SREK1: variants seen among roughly 807,000 people sequenced by gnomAD.
SREK1 encodes splicing regulatory glutamic acid and lysine rich protein 1, also known as splicing regulatory glutamine/lysine-rich protein 1.
In SREK1, 13 loss-of-function variants were observed where a neutral mutation model predicts 66.5. The observed-to-expected ratio is 0.20, with a 90% CI of 0.13 to 0.31. The LOEUF (loss-of-function observed/expected upper bound fraction) is 0.31, where lower values mean the gene tolerates loss of function less well. Among genes scored for constraint, SREK1 ranks in the 10% least tolerant of loss-of-function variants. The pLI, the probability that SREK1 is intolerant of heterozygous loss-of-function variation, is 1.00. For missense variants in SREK1, 607 were observed against 769.6 expected (o/e 0.79, Z 2.50); for synonymous variants, 265 against 263.5 (o/e 1.01, Z -0.05).
chr5:66,165,110 T>C lies in SREK1; in HGVS notation c.1001+213T>C, dbSNP rs1045843852. ...CTTAATTTTTAAATATTTGAACTTA[T>C]CTTTATTTTTAGAAGTTAGTTTTGT... is the stretch of plus-strand genomic sequence containing the variant. On this transcript the variant is annotated intron_variant, in intron 7 of 11. Coordinates refer to ENST00000334121, the MANE Select transcript of SREK1 (RefSeq NM_001077199.3). The C allele has an allele frequency of 1.2e-5, 5 of 423,048 alleles. No homozygotes were observed. The Admixed American group carries it at 1.6e-4, about 13-fold the overall frequency. 26.2% of individuals were successfully genotyped at this position (423,048 alleles called of 1,614,324 possible).
At chr5:66,161,957 TAACTC>T in intron 3 of SREK1, 147 bp from the exon 4 acceptor site, 1 of 736,378 alleles carries the variant, frequency 1.4e-6, no homozygotes, top group Non-Finnish European at 2.1e-6. Context: ...CTTACTTTAA[TAACTC>T]AGACATATAT....
chr5:66,160,584 T>C (rs1473297600), intron 3 of SREK1, among the ~76,000 whole-genome samples: 1 of 152,118 alleles, frequency 6.6e-6, no homozygotes, highest in Non-Finnish European at 1.5e-5. Context: ...TTTTAGACCA[T>C]GGAAAGAGGG....
At chr5:66,165,581 A>T (rs1348994179) in intron 7 of SREK1, 1 of 152,224 alleles carries the variant, frequency 6.6e-6, no homozygotes, top group African/African-American at 2.4e-5. Flanking sequence ...TTAAAATGCA[A>T]ATTTGGCAAT....
chr5:66,145,010 C>T, intron 1 of SREK1: 1 of 986,720 alleles, frequency 1.0e-6, no homozygotes, highest in Non-Finnish European at 1.2e-6. Flanking sequence ...CTGCTGGTGA[C>T]AAGATGGAAC....
chr5:66,166,280 AC>A (rs1225248567), intron 7 of SREK1: 1 of 152,144 alleles, frequency 6.6e-6, no homozygotes, highest in Non-Finnish European at 1.5e-5. Flanking sequence ...AAGACTGATG[AC>A]CTGGATCTCA....
Position 66,170,694 on chromosome 5 carries a change from C to T in SREK1, c.1231C>T (p.Arg411Trp), listed in dbSNP as rs547631669. Residue 411 changes from arginine (R) to tryptophan (W), a missense_variant, in exon 9 of 12, where the codon CGG becomes TGG. Physicochemically the swap from Arg to Trp is moderately radical, Grantham distance 101. This residue lies in a region of SREK1 where 318 missense variants were observed against 310.3 expected (regional missense o/e 1.02). Coordinates refer to ENST00000334121, the MANE Select transcript of SREK1 (RefSeq NM_001077199.3). The stretch of plus-strand genomic sequence containing the variant: ...AAAGGAACGTGAAAAAGAAAAGGAA[C>T]GGGGTAAAAACAAAGACCGGGACAA... The part of the protein sequence containing the change: ...REKEREKEKE[R>W]GKNKDRDKER... 81 of 1,607,754 alleles carry T rather than the reference C, an allele frequency of 5.0e-5. No individual in the cohort carries two copies. Among genetic ancestry groups the T allele is most frequent in the Admixed American group, 2.2e-4 (13 of 58,788 alleles).
intron 1 of SREK1, among the ~76,000 whole-genome samples, chr5:66,149,822 G>T (rs554562011): frequency 8.5e-5 from 13 of 152,266 alleles, no homozygotes; most frequent in Non-Finnish European, 1.5e-4. Flanking sequence ...GGTACATCGA[G>T]AAGAGACATT....
intron 1 of SREK1, among the ~76,000 whole-genome samples, chr5:66,151,695 A>G (rs1743830468): frequency 1.3e-5 from 2 of 152,170 alleles, no homozygotes; most frequent in South Asian, 4.1e-4. Flanking sequence ...ATGTGCATAC[A>G]GTTAACCTCA....
intron 9 of SREK1, 99 bp downstream of exon 9, chr5:66,171,046 A>G: frequency 7.2e-7 from 1 of 1,388,520 alleles, no homozygotes; most frequent in East Asian, 2.4e-5. Flanking sequence ...CGCAAGTGGA[A>G]CCTGTAAAGT....
At chr5:66,157,952 G>A (rs1744428816) in intron 2 of SREK1, 1 of 158,994 alleles carries the variant, frequency 6.3e-6, no homozygotes, top group Admixed American at 6.5e-5. Flanking sequence ...ACCAGGCATG[G>A]TGCTTGTGGA....
chr5:66,166,172 G>A (rs972767429), intron 7 of SREK1: 1 of 152,218 alleles, frequency 6.6e-6, no homozygotes, highest in Non-Finnish European at 1.5e-5. Flanking sequence ...CTAGACTGTG[G>A]ATATTTCCAT....
intron 11 of SREK1, 126 bp downstream of exon 11, chr5:66,177,784 A>G (rs1023787099): frequency 1.5e-6 from 1 of 665,376 alleles, no homozygotes; most frequent in Non-Finnish European, 2.2e-6. Context: ...GCATTTTAAA[A>G]TATTTAAAAT....
In SREK1 at chr5:66,159,276, C is replaced by A. The variant is rs758961832; in HGVS notation, c.353C>A (p.Thr118Lys). The A allele has an allele frequency of 6.2e-7, 1 of 1,613,772 alleles. No individual in the cohort carries two copies. Among genetic ancestry groups the A allele is most frequent in the South Asian group, 1.1e-5 (1 of 91,054 alleles). ...LSLLAPAPTM[T>K]SLMPGAGLLP... The stretch of plus-strand genomic sequence containing the variant: ...TTATTGGCTCCTGCTCCAACCATGA[C>A]AAGTCTGATGCCTGGTGCAGGATTG... The change falls in exon 3 of 12, where the codon ACA becomes AAA. Residue 118 changes from threonine to lysine, a missense_variant. By Grantham distance (78) the Thr-to-Lys change is moderately conservative. Around this residue, in one of 5 missense-constraint regions of SREK1, gnomAD observed 99 missense variants for 186.6 expected, o/e 0.53. Coordinates refer to ENST00000334121, the MANE Select transcript of SREK1 (RefSeq NM_001077199.3).
At chr5:66,150,760 G>C (rs937386321) in intron 1 of SREK1, among the ~76,000 whole-genome samples, 6 of 152,228 alleles carry the variant, frequency 3.9e-5, no homozygotes, top group African/African-American at 1.4e-4. Context: ...CCAATTGGAT[G>C]AGGACAGAAA....
intron 8 of SREK1, 151 bp from the exon 9 acceptor site, chr5:66,170,434 T>A: frequency 8.5e-7 from 1 of 1,171,074 alleles, no homozygotes; most frequent in Non-Finnish European, 1.2e-6. Flanking sequence ...TTTAGCAGCT[T>A]CTTGTACACC....
chr5:66,176,134 A>G (rs1746034697), intron 10 of SREK1, among the ~76,000 whole-genome samples: 1 of 152,066 alleles, frequency 6.6e-6, no homozygotes, highest in African/African-American at 2.4e-5. Flanking sequence ...GTTCAGTTTT[A>G]TTTTACAAAT....
Position 66,170,705 on chromosome 5 carries a change from C to T in SREK1, c.1242C>T (p.Asn414=), listed in dbSNP as rs772713276. Reference sequence around the variant, plus strand: ...AAAAAGAAAAGGAACGGGGTAAAAACAAAGACCGGGACAAGGAACGGGAAA... The same window carrying T: ...AAAAAGAAAAGGAACGGGGTAAAAATAAAGACCGGGACAAGGAACGGGAAA... ...EREKEKERGK[N]KDRDKEREKD... Residue 414 remains asparagine (N), a synonymous_variant, in exon 9 of 12, where the codon AAC becomes AAT. Coordinates refer to ENST00000334121, the MANE Select transcript of SREK1 (RefSeq NM_001077199.3). 15 of 1,606,540 alleles carry T rather than the reference C, an allele frequency of 9.3e-6. No homozygotes were observed. The highest frequency in any genetic ancestry group is 6.8e-5 in the Admixed American group (4 of 58,494).
At chr5:66,150,142 C>T (rs1743656777) in intron 1 of SREK1, among the ~76,000 whole-genome samples, 1 of 152,228 alleles carries the variant, frequency 6.6e-6, no homozygotes, top group South Asian at 2.1e-4. Context: ...TGCTGGTCAG[C>T]CAGGGAAATG....
intron 1 of SREK1, chr5:66,145,054 A>G (rs1743046728): frequency 2.0e-6 from 2 of 985,908 alleles, no homozygotes; most frequent in East Asian, 1.1e-4. Flanking sequence ...ACGGTCGCAC[A>G]AACTTAGCAT....
Sources: allele counts gnomAD v4.1 joint callset (sites outside exome capture counted in the v4.1 genomes callset), GRCh38; gene constraint gnomAD v4.1.1; regional missense constraint gnomAD v4.1.1; transcripts MANE v1.5; gene names NCBI Gene and HGNC (gene_info 2026-07-23, HGNC 2026-07-21).